Variants in PLXDC2 observed in about 807,000 individuals in gnomAD.
PLXDC2 encodes the protein plexin domain containing 2.
A neutral mutation model predicts 68.9 loss-of-function variants in PLXDC2; 40 were observed. The observed-to-expected ratio is 0.58, with a 90% CI of 0.45 to 0.76. The LOEUF is 0.76. Ranked by LOEUF, PLXDC2 falls within the 30% of genes least tolerant of loss-of-function variation. The pLI, the probability that PLXDC2 is intolerant of heterozygous loss-of-function variation, is 0.00. For missense variants in PLXDC2, 644 were observed against 661.9 expected (o/e 0.97, Z 0.30); for synonymous variants, 243 against 234.2 (o/e 1.04, Z -0.34).
chr10:20,041,886 A>G (rs1009679026), intron 2 of PLXDC2, among the ~76,000 whole-genome samples: 8 of 152,126 alleles, frequency 5.3e-5, no homozygotes, highest in African/African-American at 1.9e-4. Context: ...AATGAATCTC[A>G]TATCTCTTCT....
chr10:19,905,998 G>GA (rs146260310), intron 1 of PLXDC2, among the ~76,000 whole-genome samples: 17,713 of 144,452 alleles, frequency 0.12, 1,041 homozygotes, highest in African/African-American at 0.15. Flanking sequence ...TACAATAGTG[G>GA]AAAAAAAAAA....
intron 9 of PLXDC2, among the ~76,000 whole-genome samples, chr10:20,179,941 A>G (rs1226999887): frequency 1.3e-5 from 2 of 152,080 alleles, no homozygotes; most frequent in African/African-American, 2.4e-5. Flanking sequence ...TGTGTTTTCA[A>G]TACCTGCTCT....
At position 20,280,095 on chromosome 10, in the gene PLXDC2, A is replaced by T. The variant is rs1484134431; in HGVS notation, c.*276A>T. 9.4e-6 allele frequency: 3 copies of T among 319,064 alleles called. No homozygotes were observed. The highest frequency in any genetic ancestry group is 1.1e-5 in the Non-Finnish European group (2 of 174,564). 19.8% of individuals were successfully genotyped at this position (319,064 alleles called of 1,614,324 possible). A position where few individuals can be genotyped will look rare whatever the true frequency, so the allele number is the denominator to read the frequency against. ...GAACATCTCCCGTGGACTTATCTGA[A>T]GTATGACAAGATTATAATGCTTTTG... On this transcript the variant is annotated 3_prime_UTR_variant, in exon 14 of 14. Transcript: ENST00000377252.
intron 1 of PLXDC2, among the ~76,000 whole-genome samples, chr10:19,848,416 C>T (rs1006978997): frequency 1.3e-5 from 2 of 152,170 alleles, no homozygotes; most frequent in Non-Finnish European, 2.9e-5. Flanking sequence ...GGGACTCTAT[C>T]TGTTGGTGAC....
At position 20,287,844 on chromosome 10, in the gene PLXDC2, G is replaced by A. The variant is rs1284328157; in HGVS notation, c.*8025G>A. 6.6e-6 allele frequency: 1 copy of A among 151,940 alleles called. No individual in the cohort carries two copies. The highest frequency in any genetic ancestry group is 1.5e-5 in the Non-Finnish European group (1 of 68,006). 9.4% of individuals were successfully genotyped at this position (151,940 alleles called of 1,614,324 possible). A position where few individuals can be genotyped will look rare whatever the true frequency, so the allele number is the denominator to read the frequency against. ...TTATTTTCAGGGGAAAAAAAGGAGA[G>A]AGTCTTTTTTATATGCCAGCTGGGA... On this transcript the variant is annotated 3_prime_UTR_variant, in exon 14 of 14. Coordinates refer to ENST00000377252, the MANE Select transcript of PLXDC2 (RefSeq NM_032812.9).
At chr10:20,245,894 T>G (rs1588540607) in intron 13 of PLXDC2, among the ~76,000 whole-genome samples, 1 of 152,204 alleles carries the variant, frequency 6.6e-6, no homozygotes, top group African/African-American at 2.4e-5. Flanking sequence ...TAAATGCTAA[T>G]TGAGTATTGG....
chr10:19,883,204 C>T (rs989519542), intron 1 of PLXDC2, among the ~76,000 whole-genome samples: 7 of 152,040 alleles, frequency 4.6e-5, no homozygotes, highest in Non-Finnish European at 7.4e-5. Context: ...CCTCATGATC[C>T]GCCCGCCTTG....
chr10:20,126,818 A>ACACATGT (rs1564325380), intron 4 of PLXDC2, among the ~76,000 whole-genome samples: 2 of 136,872 alleles, frequency 1.5e-5, no homozygotes, highest in Non-Finnish European at 1.6e-5. Flanking sequence ...TATATATAAC[A>ACACATGT]TATATGTGTA....
In PLXDC2 at chr10:19,991,573, CATA is replaced by C. The variant is rs147829420; in HGVS notation, c.113-10199_113-10197del. ...TTTAAATCATATACAATTTATAAAA[CATA>C]ATCAGATAGAAGTACATCTATTGGC... On this transcript the variant is annotated intron_variant, in intron 1 of 13. Transcript: ENST00000377252. 4.8e-3 allele frequency among the ~76,000 whole-genome samples: 730 copies of C among 152,208 alleles called. 5 individuals carry two copies. Among genetic ancestry groups the C allele is most frequent in the African/African-American group, 0.017 (688 of 41,518 alleles).
chr10:20,021,940 G>A (rs992650048), intron 2 of PLXDC2, among the ~76,000 whole-genome samples: 2 of 151,896 alleles, frequency 1.3e-5, no homozygotes, highest in Non-Finnish European at 2.9e-5. Flanking sequence ...CTCGTGATCC[G>A]CCCACCTTGG....
chr10:20,278,938 A>G (rs1836044985), intron 13 of PLXDC2, among the ~76,000 whole-genome samples: 1 of 152,180 alleles, frequency 6.6e-6, no homozygotes, highest in African/African-American at 2.4e-5. Flanking sequence ...ATTTCAGTAC[A>G]TCTATTTGTA....
At chr10:20,073,165 G>A (rs750272530) in intron 4 of PLXDC2, among the ~76,000 whole-genome samples, 5 of 152,164 alleles carry the variant, frequency 3.3e-5, no homozygotes, top group Non-Finnish European at 7.4e-5. Context: ...TACATTGGGT[G>A]TGGGAAAAAT....
intron 1 of PLXDC2, among the ~76,000 whole-genome samples, chr10:19,855,494 C>T (rs1477406907): frequency 1.3e-5 from 2 of 152,082 alleles, no homozygotes; most frequent in Non-Finnish European, 2.9e-5. Context: ...ACTTTTAGTA[C>T]AGATTGAATG....
At chr10:20,161,804 G>T (rs558520905) in intron 6 of PLXDC2, among the ~76,000 whole-genome samples, 126 of 152,150 alleles carry the variant, frequency 8.3e-4, no homozygotes, top group African/African-American at 2.9e-3. Flanking sequence ...GGCCGAGGTG[G>T]GCGGATCACC....
At chr10:20,025,322 G>A (rs1048166198) in intron 2 of PLXDC2, among the ~76,000 whole-genome samples, 3 of 151,340 alleles carry the variant, frequency 2.0e-5, no homozygotes, top group Non-Finnish European at 4.4e-5. Flanking sequence ...AGAGTGCAGT[G>A]GTGCAATCTC....
intron 1 of PLXDC2, among the ~76,000 whole-genome samples, chr10:19,861,346 T>C (rs1837317279): frequency 6.6e-6 from 1 of 152,086 alleles, no homozygotes; most frequent in Non-Finnish European, 1.5e-5. Flanking sequence ...GCTGGATACT[T>C]TTCTTTTGCA....
chr10:20,269,448 A>C (rs1165320403), intron 13 of PLXDC2, among the ~76,000 whole-genome samples: 1 of 152,174 alleles, frequency 6.6e-6, no homozygotes, highest in Non-Finnish European at 1.5e-5. Context: ...CATTAAAGAC[A>C]TGGTATTTGT....
chr10:20,055,793 CT>C (rs1239378270), intron 3 of PLXDC2, among the ~76,000 whole-genome samples: 1 of 152,042 alleles, frequency 6.6e-6, no homozygotes, highest in Non-Finnish European at 1.5e-5. Flanking sequence ...AAGAAATATA[CT>C]GGACATAATG....
intron 1 of PLXDC2, among the ~76,000 whole-genome samples, chr10:19,871,969 T>C (rs533263672): frequency 6.6e-6 from 1 of 152,286 alleles, no homozygotes; most frequent in Non-Finnish European, 1.5e-5. Flanking sequence ...CAAGCATTTC[T>C]GTCTTTTTTA....
Sources: allele counts gnomAD v4.1 joint callset (sites outside exome capture counted in the v4.1 genomes callset), GRCh38; gene constraint gnomAD v4.1.1; transcripts MANE v1.5; gene names NCBI Gene and HGNC (gene_info 2026-07-23, HGNC 2026-07-21).